AEBP2: variants seen among roughly 807,000 people sequenced by gnomAD.
AEBP2 encodes AE binding protein 2.
In AEBP2, 10 loss-of-function variants were observed where a neutral mutation model predicts 50.8. The ratio of observed to expected loss-of-function variants is 0.20; its 90% confidence interval spans 0.12 to 0.33. The LOEUF is 0.33. AEBP2 is among the 10% of genes least tolerant of loss of function. The pLI is 1.00. For synonymous variants in AEBP2, 296 were observed against 261.3 expected (o/e 1.13, Z -1.28); for missense variants, 570 against 688.0 (o/e 0.83, Z 1.92).
rs1356097229 is a variant in AEBP2 at position 19,515,241 on chromosome 12, T to TACAAATAA, written c.1481+457_1481+458insACAAATAA. On this transcript the variant is annotated intron_variant, in intron 7 of 7. Coordinates refer to ENST00000266508, the MANE Select transcript of AEBP2 (RefSeq NM_153207.5). ...TAAGACATAGCTTAGAGTGTTCACA[T>TACAAATAA]TTCTAGTAATTTTATGTTTTGAGCT... is the stretch of plus-strand genomic sequence containing the variant. Among the ~76,000 whole-genome samples the TACAAATAA allele has an allele frequency of 3.3e-5, 5 of 152,306 alleles. No individual in the cohort carries two copies. In the East Asian group the frequency reaches 9.6e-4, roughly 29 times the overall value.
At chr12:19,410,443 G>A (rs1394541548) in intron 1 of AEBP2, among the ~76,000 whole-genome samples, 1 of 152,178 alleles carries the variant, frequency 6.6e-6, no homozygotes, top group East Asian at 1.9e-4. Flanking sequence ...GCCAAATGGT[G>A]TAGATGGAAG....
At chr12:19,453,424 C>CT (rs112177656) in intron 1 of AEBP2, among the ~76,000 whole-genome samples, 12,995 of 148,558 alleles carry the variant, frequency 0.087, 665 homozygotes, top group South Asian at 0.18. Flanking sequence ...GACCTATATA[C>CT]TTTCTTTTTT....
chr12:19,502,108 A>G (rs1337086290), intron 5 of AEBP2, among the ~76,000 whole-genome samples: 3 of 151,878 alleles, frequency 2.0e-5, no homozygotes, highest in Non-Finnish European at 2.9e-5. Flanking sequence ...TTACTTCCCA[A>G]TTATATATGT....
rs370920142 is a variant in AEBP2, at chr12:19,506,813, C to G, written c.1300-5585C>G. On this transcript the variant is annotated intron_variant, in intron 5 of 7. Coordinates refer to ENST00000266508, the MANE Select transcript of AEBP2 (RefSeq NM_153207.5). ...GAGATAAGGGTTGGATTCTGGTTAT[C>G]TTTTGGAGTTACTATGGACAAGAAT... 5.9e-5 allele frequency among the ~76,000 whole-genome samples: 9 copies of G among 152,248 alleles called. No homozygotes were observed. In the East Asian group the frequency reaches 1.7e-3, roughly 29 times the overall value.
chr12:19,422,589 C>G lies in AEBP2; in HGVS notation c.-17+18373C>G, dbSNP rs181554175. ...TTGGCTCACTGCAACGTCCACCTCC[C>G]GGATTCAAGCGATTCTCCTGCCTCA... On this transcript the variant is annotated intron_variant, in intron 1 of 3. Coordinates refer to the AEBP2 transcript ENST00000538425. Among the ~76,000 whole-genome samples, 3 of 151,882 alleles carry G rather than the reference C, an allele frequency of 2.0e-5. No individual in the cohort carries two copies. The South Asian group carries it at 6.2e-4, about 32-fold the overall frequency.
chr12:19,451,753 G>A (rs61912766), intron 1 of AEBP2, among the ~76,000 whole-genome samples: 68,573 of 151,110 alleles, frequency 0.45, 16,707 homozygotes, highest in Non-Finnish European at 0.57. Context: ...TACAGTGGCT[G>A]TTCACAGGCA....
intron 1 of AEBP2, among the ~76,000 whole-genome samples, chr12:19,410,943 T>C (rs890997051): frequency 6.6e-6 from 1 of 152,194 alleles, no homozygotes; most frequent in South Asian, 2.1e-4. Context: ...GCGTAATTGG[T>C]TTTGGGTAAA....
Position 19,518,133 on chromosome 12 carries a change from A to T in AEBP2, c.*16A>T. Reference sequence around the variant, plus strand: ...GAAGAGGTAAAAAATAAATAAATACATAAAAAGCAAACAAGCGGGGACACC... The same window carrying T: ...GAAGAGGTAAAAAATAAATAAATACTTAAAAAGCAAACAAGCGGGGACACC... On this transcript the variant is annotated 3_prime_UTR_variant, in exon 8 of 8. Coordinates refer to ENST00000266508, the MANE Select transcript of AEBP2 (RefSeq NM_153207.5). 6.3e-7 allele frequency: 1 copy of T among 1,592,396 alleles called. No individual in the cohort carries two copies.
At chr12:19,424,466 G>A (rs1417691312) in intron 1 of AEBP2, among the ~76,000 whole-genome samples, 5 of 151,418 alleles carry the variant, frequency 3.3e-5, no homozygotes, top group African/African-American at 7.3e-5. Context: ...GCGCGATCTC[G>A]GCTCACTGCA....
chr12:19,426,477 G>C (rs780704990), intron 1 of AEBP2, among the ~76,000 whole-genome samples: 67 of 152,170 alleles, frequency 4.4e-4, no homozygotes, highest in Non-Finnish European at 8.8e-4. Flanking sequence ...AATTAACTGG[G>C]TGTAAGACAG....
chr12:19,453,268 C>T (rs947638701), intron 1 of AEBP2, among the ~76,000 whole-genome samples: 5 of 151,806 alleles, frequency 3.3e-5, no homozygotes, highest in Non-Finnish European at 7.4e-5. Flanking sequence ...CGTGCCCGGC[C>T]GACTTAACGT....
Position 19,518,510 on chromosome 12 carries a change from G to C in AEBP2, c.*393G>C. 3 of 1,251,698 alleles carry C rather than the reference G, an allele frequency of 2.4e-6. No homozygotes were observed. Among genetic ancestry groups the C allele is most frequent in the Non-Finnish European group, 3.0e-6 (3 of 994,356 alleles). The allele number at this position is 1,251,698 out of a possible 1,614,324, so 77.5% of individuals were successfully genotyped here. ...GGAAAGAAAAACAATTACAACATGTGCCCTTACAAATACCAAAAGCACTGT... is the reference window on the plus strand; with the variant it reads ...GGAAAGAAAAACAATTACAACATGTCCCCTTACAAATACCAAAAGCACTGT... On this transcript the variant is annotated 3_prime_UTR_variant, in exon 8 of 8. Transcript: ENST00000266508.
intron 1 of AEBP2, among the ~76,000 whole-genome samples, chr12:19,460,220 C>G (rs1157683715): frequency 6.6e-6 from 1 of 152,166 alleles, no homozygotes; most frequent in Non-Finnish European, 1.5e-5. Context: ...AACATCCCCC[C>G]ACCCCTCACA....
At chr12:19,481,255 C>T (rs1948725726) in intron 3 of AEBP2, among the ~76,000 whole-genome samples, 1 of 151,580 alleles carries the variant, frequency 6.6e-6, no homozygotes, top group African/African-American at 2.4e-5. Context: ...TGCCCACCAC[C>T]ACACCCAGCT....
At chr12:19,450,355 A>T (rs117556585) in intron 1 of AEBP2, among the ~76,000 whole-genome samples, 3,392 of 151,804 alleles carry the variant, frequency 0.022, 47 homozygotes, top group East Asian at 0.043. Context: ...TTGAATTTTT[A>T]TGAAGCTAAC....
chr12:19,440,206 C>T lies in AEBP2; in HGVS notation c.507C>T (p.Gly169=). 4.8e-6 allele frequency: 7 copies of T among 1,449,082 alleles called. 1 individual carries two copies. Among genetic ancestry groups the T allele is most frequent in the South Asian group, 1.4e-5 (1 of 70,304 alleles). The allele number at this position is 1,449,082 out of a possible 1,614,324, so 89.8% of individuals were successfully genotyped here. A position where few individuals can be genotyped will look rare whatever the true frequency, so the allele number is the denominator to read the frequency against. The change falls in exon 1 of 8, where the codon GGC becomes GGT. Residue 169 remains glycine (G), a synonymous_variant. Coordinates refer to ENST00000266508, the MANE Select transcript of AEBP2 (RefSeq NM_153207.5). ...CCAAGGGACCGCGGGGCAGCCAGGG[C>T]GGCGGCGGGGGCGGCAGCAGTAGCA... The part of the protein sequence containing the change: ...EEPKGPRGSQ[G]GGGGGSSSSS...
intron 1 of AEBP2, among the ~76,000 whole-genome samples, chr12:19,417,306 A>G (rs1286673763): frequency 1.3e-5 from 2 of 152,222 alleles, no homozygotes; most frequent in Non-Finnish European, 2.9e-5. Context: ...GAAACATCAG[A>G]CATAAAGTAA....
chr12:19,428,345 TC>T (rs1254030824), intron 1 of AEBP2, among the ~76,000 whole-genome samples: 5 of 152,178 alleles, frequency 3.3e-5, no homozygotes, highest in Non-Finnish European at 7.3e-5. Context: ...CATCTAGAGG[TC>T]CATGTTTCTT....
At chr12:19,412,119 G>C (rs2153363349) in intron 1 of AEBP2, among the ~76,000 whole-genome samples, 1 of 152,332 alleles carries the variant, frequency 6.6e-6, no homozygotes, top group South Asian at 2.1e-4. Flanking sequence ...TATCTGTCCG[G>C]AGGTAGTGCC....
Sources: allele counts gnomAD v4.1 joint callset (sites outside exome capture counted in the v4.1 genomes callset), GRCh38; gene constraint gnomAD v4.1.1; transcripts MANE v1.5; gene names NCBI Gene and HGNC (gene_info 2026-07-23, HGNC 2026-07-21).